VWA3A: variants seen among roughly 807,000 people sequenced by gnomAD.
VWA3A encodes the protein von Willebrand factor A domain containing 3A, also known as von Willebrand factor A domain-containing protein 3A.
Under a neutral mutation model 160.4 loss-of-function variants are expected in VWA3A, and 134 were observed. The ratio of observed to expected loss-of-function variants is 0.84; its 90% CI spans 0.73 to 0.96. The LOEUF is 0.96. Among genes scored for constraint, VWA3A ranks in the 40% least tolerant of loss-of-function variants. The pLI, the probability that VWA3A is intolerant of heterozygous loss-of-function variation, is 0.00. For synonymous variants in VWA3A, 476 were observed against 543.4 expected, an observed-to-expected ratio of 0.88 and a Z score of 1.72; for missense variants, 1,310 against 1,447.9, an observed-to-expected ratio of 0.90 and a Z score of 1.55.
intron 3 of VWA3A, among the ~76,000 whole-genome samples, chr16:22,097,909 A>G (rs1374475103): frequency 6.6e-6 from 1 of 152,218 alleles, no homozygotes; most frequent in African/African-American, 2.4e-5. Context: ...TGGCCATGTC[A>G]CTAAATATTC....
chr16:22,152,258 A>G (rs1250735732), intron 30 of VWA3A, among the ~76,000 whole-genome samples: 1 of 152,046 alleles, frequency 6.6e-6, no homozygotes, highest in African/African-American at 2.4e-5. Context: ...GTGTGGTTTC[A>G]GGGGGTCCAG....
chr16:22,092,729 G>A (rs1901374310), intron 1 of VWA3A, 78 bp downstream of exon 1: 3 of 1,532,528 alleles, frequency 2.0e-6, no homozygotes, highest in African/African-American at 1.4e-5. Context: ...TCTGGACTGA[G>A]TGAGAAGATC....
At position 22,152,701 on chromosome 16, in the gene VWA3A, G is replaced by A. The variant is rs2046372055; in HGVS notation, c.3405+67G>A. 4 of 1,542,400 alleles carry A rather than the reference G, an allele frequency of 2.6e-6. No individual in the cohort carries two copies. In the South Asian group the frequency reaches 3.6e-5, roughly 14 times the overall value. ...CTCGATAAAATATCAACAGGCATGG[G>A]GTTTTCCTTCTTGAACTCCTGGGCT... On this transcript the variant is annotated intron_variant, in intron 31 of 33. Coordinates refer to ENST00000389398, the MANE Select transcript of VWA3A (RefSeq NM_173615.5).
Position 22,121,685 on chromosome 16 carries a change from A to G in VWA3A, c.1356+68A>G, listed in dbSNP as rs145176306. On this transcript the variant is annotated intron_variant, in intron 14 of 33. Transcript: ENST00000389398. Reference sequence around the variant, plus strand: ...CTCCCTTGTGGCTTTTCCTACCTTCATAAATGTTCTGGCAGTAAGAATCAC... The same window carrying G: ...CTCCCTTGTGGCTTTTCCTACCTTCGTAAATGTTCTGGCAGTAAGAATCAC... 26 of 1,270,894 alleles carry G rather than the reference A, an allele frequency of 2.0e-5. No individual in the cohort carries two copies. In the African/African-American group the frequency reaches 3.4e-4, roughly 17 times the overall value. 78.7% of individuals were successfully genotyped at this position (1,270,894 alleles called of 1,614,324 possible). A position where few individuals can be genotyped will look rare whatever the true frequency, so the allele number is the denominator to read the frequency against.
chr16:22,132,534 C>T (rs772550396), intron 19 of VWA3A, among the ~76,000 whole-genome samples: 13 of 152,162 alleles, frequency 8.5e-5, no homozygotes, highest in South Asian at 6.2e-4. Context: ...GGCAACAGAG[C>T]GAGACCCTGT....
intron 28 of VWA3A, among the ~76,000 whole-genome samples, 188 bp downstream of exon 28, chr16:22,148,494 G>C (rs1208776368): frequency 6.6e-6 from 1 of 152,146 alleles, no homozygotes; most frequent in Non-Finnish European, 1.5e-5. Context: ...TTAGAGGCCG[G>C]GTATGGTGGC....
intron 6 of VWA3A, among the ~76,000 whole-genome samples, chr16:22,107,986 T>C (rs544685358): frequency 2.0e-5 from 3 of 152,316 alleles, no homozygotes; most frequent in Non-Finnish European, 4.4e-5. Context: ...GTGTTTTAAT[T>C]TGTTAAATTC....
In VWA3A at chr16:22,097,552, A is replaced by G. The variant is rs2045345539; in HGVS notation, c.102-20A>G. 6.4e-7 allele frequency: 1 copy of G among 1,550,696 alleles called. No homozygotes were observed. The highest frequency in any genetic ancestry group is 8.7e-7 in the Non-Finnish European group (1 of 1,146,774). ...ATGCCCAGTGCTGGGGCATTGATCAAATTACTTTATGTTTTGTAGCATTAG... is the reference window on the plus strand; with the variant it reads ...ATGCCCAGTGCTGGGGCATTGATCAGATTACTTTATGTTTTGTAGCATTAG... On this transcript the variant is annotated intron_variant, in intron 2 of 33. Coordinates refer to ENST00000389398, the MANE Select transcript of VWA3A (RefSeq NM_173615.5).
At chr16:22,132,685 G>T (rs1437959856) in intron 19 of VWA3A, 4 of 570,282 alleles carry the variant, frequency 7.0e-6, no homozygotes, top group Non-Finnish European at 1.2e-5. Context: ...AACATGCCTG[G>T]TATCAGGAGG....
In VWA3A at chr16:22,092,560, G is replaced by A; in HGVS notation, c.-78G>A. 6.5e-7 allele frequency: 1 copy of A among 1,535,188 alleles called. No homozygotes were observed. The highest frequency in any genetic ancestry group is 2.5e-5 in the East Asian group (1 of 40,466). ...GCTGCTGAGTTGCTTGGAGGAGCTTGGAGAAACCAGAAGTGAGATCCAGGA... is the reference window on the plus strand; with the variant it reads ...GCTGCTGAGTTGCTTGGAGGAGCTTAGAGAAACCAGAAGTGAGATCCAGGA... On this transcript the variant is annotated 5_prime_UTR_variant, in exon 1 of 34. Transcript: ENST00000389398.
chr16:22,131,524 C>G (rs1284457808), intron 18 of VWA3A, 61 bp from the exon 19 acceptor site: 3 of 1,592,026 alleles, frequency 1.9e-6, no homozygotes, highest in Non-Finnish European at 1.7e-6. Flanking sequence ...CAGCTACTCC[C>G]AAAAGGTATG....
At chr16:22,118,872 C>A in intron 11 of VWA3A, 30 bp from the exon 12 acceptor site, 2 of 1,612,832 alleles carry the variant, frequency 1.2e-6, no homozygotes, top group South Asian at 2.2e-5. Context: ...CAAGTGATTC[C>A]GGATGTCTGA....
chr16:22,138,684 G>A (rs1402704889), intron 22 of VWA3A, 172 bp downstream of exon 22: 4 of 864,476 alleles, frequency 4.6e-6, no homozygotes, highest in African/African-American at 3.4e-5. Flanking sequence ...CTCCCGCGGG[G>A]GGCCGGCTCC....
chr16:22,103,619 A>G, intron 6 of VWA3A, 90 bp downstream of exon 6: 2 of 1,443,712 alleles, frequency 1.4e-6, no homozygotes, highest in Non-Finnish European at 1.9e-6. Flanking sequence ...TAGACCTCCA[A>G]TATAAATTGC....
Position 22,148,185 on chromosome 16 carries a change from G to A in VWA3A, c.2863G>A (p.Val955Ile), listed in dbSNP as rs200655453. 1.7e-4 allele frequency: 277 copies of A among 1,603,334 alleles called. No homozygotes were observed. Among genetic ancestry groups the A allele is most frequent in the South Asian group, 1.0e-3 (92 of 88,550 alleles). The change falls in exon 28 of 34, where the codon GTT (valine) becomes ATT (isoleucine). Residue 955 changes from valine to isoleucine, a missense_variant. Transcript: ENST00000389398. Reference protein sequence around the residue: ...LSGSRRLFGTVLESKVCILLD... With the variant: ...LSGSRRLFGTILESKVCILLD... ...AGGGAGCCGCCGACTGTTTGGCACC[G>A]TTTTGGAGAGCAAAGTATGCATATT...
chr16:22,097,661 T>C lies in VWA3A; in HGVS notation c.191T>C (p.Leu64Ser). Residue 64 changes from leucine (L) to serine (S), a missense_variant, in exon 3 of 34, where the codon TTG (leucine) becomes TCG (serine). Transcript: ENST00000389398. ...GGGCAAAATTCGGACAATGGATTAT[T>C]GGTTACACATGTTAACCAGACACAG... ...GLGQNSDNGL[L>S]VTHVNQTQDL... The C allele has an allele frequency of 3.2e-6, 5 of 1,551,776 alleles. No homozygotes were observed. The highest frequency in any genetic ancestry group is 1.2e-5 in the South Asian group (1 of 84,068).
intron 17 of VWA3A, 72 bp from the exon 18 acceptor site, chr16:22,131,133 C>G (rs1334222639): frequency 7.6e-6 from 11 of 1,445,522 alleles, no homozygotes; most frequent in Non-Finnish European, 1.1e-5. Context: ...TAAAAGCCTG[C>G]AAAGCCCAAA....
At chr16:22,133,756 G>A (rs894848702) in intron 20 of VWA3A, among the ~76,000 whole-genome samples, 1 of 151,872 alleles carries the variant, frequency 6.6e-6, no homozygotes, top group Admixed American at 6.6e-5. Flanking sequence ...AAGTTGAGGC[G>A]AGCGGATTGC....
chr16:22,152,710 T>C, intron 31 of VWA3A, 76 bp downstream of exon 31: 2 of 1,533,126 alleles, frequency 1.3e-6, no homozygotes, highest in Admixed American at 2.0e-5. Flanking sequence ...GGGTTTTCCT[T>C]CTTGAACTCC....
Sources: gnomAD v4.1 joint callset for allele counts (sites outside exome capture counted in the v4.1 genomes callset) on GRCh38, gnomAD v4.1.1 for gene constraint, MANE v1.5 for transcripts, NCBI Gene and HGNC (gene_info 2026-07-23, HGNC 2026-07-21) for gene names.